CNGA1: variants seen among roughly 807,000 people sequenced by gnomAD.
The protein encoded by CNGA1 is cyclic nucleotide-gated channel alpha-1.
A neutral mutation model predicts 69.7 loss-of-function variants in CNGA1; 53 were observed. The ratio of observed to expected loss-of-function variants is 0.76; its 90% CI spans 0.61 to 0.96. The LOEUF (loss-of-function observed/expected upper bound fraction) is 0.96, where lower values mean the gene tolerates loss of function less well. Among genes scored for constraint, CNGA1 ranks in the 40% least tolerant of loss-of-function variants. The probability of loss-of-function intolerance (pLI) is 0.00; values close to 1 mark genes in which losing one functional copy is unlikely to be tolerated. For missense variants in CNGA1, 739 were observed against 811.2 expected, an observed-to-expected ratio of 0.91 and a Z score of 1.08; for synonymous variants, 249 against 283.5, an observed-to-expected ratio of 0.88 and a Z score of 1.22.
rs1162369775 is a variant in CNGA1, at chr4:47,942,081, T to A, written c.505A>T (p.Thr169Ser). Residue 169 changes from threonine to serine, a missense_variant, in exon 9 of 11, where the codon ACA (threonine) becomes TCA (serine). Coordinates refer to ENST00000514170, the MANE Select transcript of CNGA1 (RefSeq NM_001379270.1). ...NTYYNWLFCI[T>S]LPVMYNWTMV... ...GTCCAGTTGTACATAACAGGTAATG[T>A]GATGCAAAACAGCCAGTTGTAATAT... The A allele has an allele frequency of 1.9e-6, 3 of 1,613,568 alleles. No individual in the cohort carries two copies. The highest frequency in any genetic ancestry group is 2.2e-5 in the South Asian group (2 of 91,078).
At chr4:48,010,660 G>A (rs6447608) in intron 2 of CNGA1, 134 bp downstream of exon 2, 15,998 of 153,730 alleles carry the variant, frequency 0.1, 1,324 homozygotes, top group East Asian at 0.32. Flanking sequence ...GAAGAGAACC[G>A]TAGAACCCAG....
chr4:47,971,554 T>C (rs1012801978), intron 3 of CNGA1, among the ~76,000 whole-genome samples: 3 of 152,114 alleles, frequency 2.0e-5, no homozygotes, highest in Non-Finnish European at 4.4e-5. Flanking sequence ...TCTCAGTCCT[T>C]TTATGGCATG....
Position 47,937,776 on chromosome 4 carries a change from A to G in CNGA1, c.706T>C (p.Tyr236His). The change falls in exon 11 of 11, where the codon TAT becomes CAT. Residue 236 changes from tyrosine (Y) to histidine (H), a missense_variant. Coordinates refer to ENST00000514170, the MANE Select transcript of CNGA1 (RefSeq NM_001379270.1). ...VKEELKLINK[Y>H]KSNLQFKLDV... is the part of the protein sequence containing the mutation. ...AGTTTAAATTGCAAGTTGGATTTAT[A>G]TTTATTTATGAGTTTAAGTTCTTCC... The G allele has an allele frequency of 2.5e-6, 4 of 1,613,568 alleles. No individual in the cohort carries two copies. The highest frequency in any genetic ancestry group is 3.4e-6 in the Non-Finnish European group (4 of 1,179,662).
rs765423026 is a variant in CNGA1 at position 47,952,718 on chromosome 4, G to C, written c.-14-15C>G. Reference sequence around the variant, plus strand: ...TAGTTTCATATCTGAGGAGAAAGAAGTCTTATTAGTGGAAAGGCTATTTTT... The same window carrying C: ...TAGTTTCATATCTGAGGAGAAAGAACTCTTATTAGTGGAAAGGCTATTTTT... On this transcript the variant is annotated splice_polypyrimidine_tract_variant and intron_variant, in intron 3 of 10. Transcript: ENST00000514170. The C allele has an allele frequency of 2.6e-6, 4 of 1,548,698 alleles. No individual in the cohort carries two copies. Among genetic ancestry groups the C allele is most frequent in the Non-Finnish European group, 3.5e-6 (4 of 1,143,610 alleles).
At chr4:47,974,212 A>T (rs1051323475) in intron 3 of CNGA1, among the ~76,000 whole-genome samples, 13 of 152,168 alleles carry the variant, frequency 8.5e-5, no homozygotes, top group Admixed American at 2.0e-4. Context: ...CATACATTTT[A>T]TTTTAAAACT....
In CNGA1 at chr4:47,987,398, A is replaced by T. The variant is rs545166999; in HGVS notation, c.-122-5898T>A. 2.6e-5 allele frequency among the ~76,000 whole-genome samples: 4 copies of T among 152,260 alleles called. No homozygotes were observed. The South Asian group carries it at 8.3e-4, about 32-fold the overall frequency. On this transcript the variant is annotated intron_variant, in intron 2 of 10. Transcript: ENST00000514170. ...TTCATGTTTATAACCATAATAATTA[A>T]ACGTTATGTAATTAATTGTTTATAT...
chr4:48,010,512 G>A (rs1376305764), intron 2 of CNGA1, among the ~76,000 whole-genome samples: 1 of 152,184 alleles, frequency 6.6e-6, no homozygotes, highest in Non-Finnish European at 1.5e-5. Context: ...CCACTTCCAA[G>A]ATGGTGGTGG....
In CNGA1 at chr4:47,938,977, AAAAGAAAGAAAGAAAGAG is replaced by A. The variant is rs1213499835; in HGVS notation, c.653-1166_653-1149del. Among the ~76,000 whole-genome samples the A allele has an allele frequency of 7.1e-3, 1,072 of 150,518 alleles. 7 individuals are homozygous for A. Among genetic ancestry groups the A allele is most frequent in the African/African-American group, 0.024 (989 of 40,568 alleles). On this transcript the variant is annotated intron_variant, in intron 10 of 10. Transcript: ENST00000514170. ...GAGGGAGGGAAAGAAAGAAAGAAAG[AAAAGAAAGAAAGAAAGAG>A]AAAGAAAGAAAGAAAGAGAAAGAAG...
intron 10 of CNGA1, among the ~76,000 whole-genome samples, chr4:47,938,547 C>T (rs1428074209): frequency 1.3e-5 from 2 of 152,070 alleles, no homozygotes; most frequent in Non-Finnish European, 2.9e-5. Context: ...CACGTGCCAC[C>T]ACGCCCAGCT....
chr4:48,002,875 C>G (rs1414996619), intron 2 of CNGA1, among the ~76,000 whole-genome samples: 1 of 152,104 alleles, frequency 6.6e-6, no homozygotes, highest in Non-Finnish European at 1.5e-5. Context: ...TCCCCACAGC[C>G]TGATGGCCTC....
chr4:48,005,961 CA>C (rs1714899034), intron 2 of CNGA1, among the ~76,000 whole-genome samples: 1 of 152,152 alleles, frequency 6.6e-6, no homozygotes, highest in African/African-American at 2.4e-5. Context: ...AAATATGCTC[CA>C]AATTTTATTC....
intron 3 of CNGA1, 83 bp from the exon 4 acceptor site, chr4:47,952,786 G>A (rs1464319289): frequency 7.8e-6 from 8 of 1,022,472 alleles, no homozygotes; most frequent in Middle Eastern, 3.4e-4. Flanking sequence ...CTATGTATTA[G>A]TCTGTCCTCA....
rs570708535 is a variant in CNGA1, at chr4:47,995,776, T to C, written c.-122-14276A>G. On this transcript the variant is annotated intron_variant, in intron 2 of 10. Transcript: ENST00000514170. ...GGTTCCTTCTCATTTGGGTTGGCTC[T>C]ATCAAAGGAAAGGTCTAGGGCTGAA... is the stretch of plus-strand genomic sequence containing the variant. 5.1e-4 allele frequency among the ~76,000 whole-genome samples: 77 copies of C among 152,294 alleles called. 1 individual carries two copies. Among genetic ancestry groups the C allele is most frequent in the Non-Finnish European group, 7.6e-4 (52 of 68,004 alleles).
chr4:47,991,799 G>A (rs1230753171), intron 2 of CNGA1, among the ~76,000 whole-genome samples: 1 of 152,154 alleles, frequency 6.6e-6, no homozygotes, highest in African/African-American at 2.4e-5. Context: ...TATAGTTTCA[G>A]GTCTTAGGTT....
At chr4:47,982,172 A>C (rs1470340640) in intron 2 of CNGA1, among the ~76,000 whole-genome samples, 1 of 152,254 alleles carries the variant, frequency 6.6e-6, no homozygotes, top group Non-Finnish European at 1.5e-5. Context: ...GACAGGCTAC[A>C]TACTCACAAA....
At chr4:48,002,616 T>C (rs1418289866) in intron 2 of CNGA1, among the ~76,000 whole-genome samples, 1 of 149,714 alleles carries the variant, frequency 6.7e-6, no homozygotes, top group Non-Finnish European at 1.5e-5. Flanking sequence ...GTGGGCTGAA[T>C]TGCTTCTGGG....
intron 2 of CNGA1, among the ~76,000 whole-genome samples, chr4:47,994,648 A>C (rs1742407175): frequency 6.6e-6 from 1 of 152,108 alleles, no homozygotes; most frequent in African/African-American, 2.4e-5. Context: ...TTTTAAGTGG[A>C]GCATTTTGGC....
At chr4:48,016,282 T>C (rs993108052) in intron 1 of CNGA1, among the ~76,000 whole-genome samples, 3 of 152,172 alleles carry the variant, frequency 2.0e-5, no homozygotes, top group Admixed American at 1.3e-4. Context: ...GGGCAAAGTC[T>C]GCTCAGCAGC....
At chr4:47,957,054 C>G (rs1740134361) in intron 3 of CNGA1, among the ~76,000 whole-genome samples, 1 of 152,124 alleles carries the variant, frequency 6.6e-6, no homozygotes, top group Non-Finnish European at 1.5e-5. Flanking sequence ...CTGCCTTGGT[C>G]TCCCAAGTAG....
Sources: gnomAD v4.1 joint callset for allele counts (sites outside exome capture counted in the v4.1 genomes callset) on GRCh38, gnomAD v4.1.1 for gene constraint, MANE v1.5 for transcripts, NCBI Gene and HGNC (gene_info 2026-07-23, HGNC 2026-07-21) for gene names.